CXXC5: variants seen among roughly 807,000 people sequenced by gnomAD.
The protein encoded by CXXC5 is CXXC finger protein 5.
CXXC5 carries 2 observed loss-of-function variants against 17.6 expected under a neutral mutation model. That is an observed-to-expected ratio of 0.11 (90% CI 0.05 to 0.36). The LOEUF is 0.36. Among genes scored for constraint, CXXC5 ranks in the 10% least tolerant of loss-of-function variants. The probability of loss-of-function intolerance (pLI) is 1.00; values close to 1 mark genes in which losing one functional copy is unlikely to be tolerated. For synonymous variants in CXXC5, 171 were observed against 193.0 expected, an observed-to-expected ratio of 0.89 and a Z score of 0.94; for missense variants, 343 against 458.3, an observed-to-expected ratio of 0.75 and a Z score of 2.30.
intron 1 of CXXC5, chr5:139,649,070 G>T (rs968005825): frequency 1.0e-3 from 155 of 152,498 alleles, no homozygotes; most frequent in Admixed American, 2.2e-3. Flanking sequence ...GGGGGCGCCC[G>T]CACCGTAAGC....
intron 1 of CXXC5, among the ~76,000 whole-genome samples, chr5:139,673,796 C>T (rs529181138): frequency 2.0e-5 from 3 of 148,300 alleles, no homozygotes; most frequent in Non-Finnish European, 3.0e-5. Context: ...GAGCTGAGAT[C>T]GGGCCACGCA....
chr5:139,681,384 C>T lies in CXXC5; in HGVS notation c.861C>T (p.Gly287=), dbSNP rs1181286106. 1 of 1,591,186 alleles carries T rather than the reference C, an allele frequency of 6.3e-7. No homozygotes were observed. Among genetic ancestry groups the T allele is most frequent in the African/African-American group, 1.3e-5 (1 of 74,146 alleles). Residue 287 remains glycine (G), a synonymous_variant, in exon 2 of 3, where the codon GGC becomes GGT. Coordinates refer to ENST00000302517, the MANE Select transcript of CXXC5 (RefSeq NM_016463.9). ...GCAGTTGTAGGAATCGAAAGACTGG[C>T]CATCAGATTTGCAAATTCAGAAAAT... The part of the protein sequence containing the change: ...QCSSCRNRKT[G]HQICKFRKCE...
chr5:139,647,916 T>A (rs1481155883), upstream of CXXC5: 1 of 151,798 alleles, frequency 6.6e-6, no homozygotes, highest in Non-Finnish European at 1.5e-5. Context: ...GCACCTGAGC[T>A]GGGGGGCGCG....
intron 2 of CXXC5, among the ~76,000 whole-genome samples, 199 bp from the exon 3 acceptor site, chr5:139,682,664 C>T (rs1050900929): frequency 6.6e-5 from 10 of 152,318 alleles, no homozygotes; most frequent in African/African-American, 2.4e-4. Context: ...GCCTCAGAGT[C>T]CTCGGGGCCT....
intron 1 of CXXC5, among the ~76,000 whole-genome samples, chr5:139,675,272 T>C (rs901984449): frequency 6.6e-6 from 1 of 152,228 alleles, no homozygotes; most frequent in African/African-American, 2.4e-5. Flanking sequence ...GATGGCACTA[T>C]GTCATCCCAG....
At chr5:139,659,532 G>T (rs1375167155) in intron 1 of CXXC5, 1 of 152,698 alleles carries the variant, frequency 6.5e-6, no homozygotes, top group African/African-American at 2.4e-5. Flanking sequence ...TGCCAAGAGG[G>T]GCTGGGCCCT....
At chr5:139,665,623 A>C (rs1308147986) in intron 1 of CXXC5, 1 of 152,280 alleles carries the variant, frequency 6.6e-6, no homozygotes, top group Non-Finnish European at 1.5e-5. Context: ...GACAGATGTA[A>C]TTATGGAATT....
At chr5:139,666,971 C>G (rs968314043) in intron 1 of CXXC5, among the ~76,000 whole-genome samples, 1 of 152,112 alleles carries the variant, frequency 6.6e-6, no homozygotes, top group Non-Finnish European at 1.5e-5. Flanking sequence ...CAGCATTTAC[C>G]CTCTGACTTG....
In CXXC5 at chr5:139,658,889, C is replaced by T. The variant is rs370543701; in HGVS notation, c.-161+10044C>T. On this transcript the variant is annotated intron_variant, in intron 1 of 2. Transcript: ENST00000302517. The surrounding 1 kb of genome is among the most constrained non-coding windows in gnomAD (Gnocchi z 4.1). ...GAGTTAGGAGTGTCATCTAGAGCAG[C>T]CTAGCTGGGCGTTTGAACCCAGAAC... Among the ~76,000 whole-genome samples the T allele has an allele frequency of 1.3e-5, 2 of 152,216 alleles. No homozygotes were observed. Among genetic ancestry groups the T allele is most frequent in the East Asian group, 3.9e-4 (2 of 5,190 alleles).
chr5:139,656,457 ATG>A (rs1033097849), intron 1 of CXXC5, among the ~76,000 whole-genome samples: 3 of 132,124 alleles, frequency 2.3e-5, no homozygotes, highest in African/African-American at 9.1e-5. Context: ...ATACACACAC[ATG>A]TGTGCAGAAA....
chr5:139,653,014 C>T (rs781732561), intron 1 of CXXC5, among the ~76,000 whole-genome samples: 9 of 152,122 alleles, frequency 5.9e-5, no homozygotes, highest in East Asian at 1.9e-4. Context: ...TCTGTATCTC[C>T]GTCTTACTGA....
rs1445085611 is a variant in CXXC5, at chr5:139,658,671, C to G, written c.-161+9826C>G. ...CGTGAGGAGGAAATGCAGGCTGTTG[C>G]TTCCAGCAACAGCCGGCAGGGCCGG... is the stretch of plus-strand genomic sequence containing the variant. On this transcript the variant is annotated intron_variant, in intron 1 of 2. Transcript: ENST00000302517. The surrounding 1 kb of genome is among the most constrained non-coding windows in gnomAD (Gnocchi z 4.1). Among the ~76,000 whole-genome samples, 1 of 152,222 alleles carries G rather than the reference C, an allele frequency of 6.6e-6. No homozygotes were observed.
intron 1 of CXXC5, among the ~76,000 whole-genome samples, chr5:139,656,812 C>T (rs1478124347): frequency 6.6e-6 from 1 of 152,188 alleles, no homozygotes; most frequent in African/African-American, 2.4e-5. Flanking sequence ...GCAACCCCCA[C>T]CTCCTGGGTT....
rs899589881 is a variant in CXXC5, at chr5:139,670,721, G to A, written c.-160-9643G>A. On this transcript the variant is annotated intron_variant, in intron 1 of 2. Transcript: ENST00000302517. The surrounding 1 kb of genome is among the most constrained non-coding windows in gnomAD (Gnocchi z 4.2). ...CCATGTACATTCACAGACTTGGGTC[G>A]CACACACATGCCTCCACTTTACCCT... 1.4e-4 allele frequency among the ~76,000 whole-genome samples: 21 copies of A among 152,146 alleles called. No individual in the cohort carries two copies. The highest frequency in any genetic ancestry group is 8.8e-5 in the Non-Finnish European group (6 of 68,036).
intron 1 of CXXC5, among the ~76,000 whole-genome samples, chr5:139,660,560 C>T (rs1036253655): frequency 6.6e-6 from 1 of 152,178 alleles, no homozygotes; most frequent in African/African-American, 2.4e-5. Flanking sequence ...ACTCCAAAAG[C>T]ACCCATTAGG....
rs529600645 is a variant in CXXC5 at position 139,681,324 on chromosome 5, G to A, written c.801G>A (p.Ala267=). The A allele has an allele frequency of 4.3e-5, 69 of 1,612,582 alleles. No homozygotes were observed. The Admixed American group carries it at 4.7e-4, about 11-fold the overall frequency. The change falls in exon 2 of 3, where the codon GCG becomes GCA. Residue 267 remains alanine (A), a synonymous_variant. Transcript: ENST00000302517. ...KKKRKRCGMC[A]PCRRRINCEQ... is the part of the protein sequence containing the mutation. ...AGCGGAAACGCTGCGGCATGTGCGC[G>A]CCCTGCCGGCGGCGCATCAACTGCG...
intron 1 of CXXC5, among the ~76,000 whole-genome samples, chr5:139,654,478 C>G (rs932210122): frequency 6.6e-6 from 1 of 152,190 alleles, no homozygotes; most frequent in African/African-American, 2.4e-5. Flanking sequence ...TTGCATAGTG[C>G]CTGGCAGGGA....
At position 139,683,226 on chromosome 5, in the gene CXXC5, T is replaced by C. The variant is rs969500076; in HGVS notation, c.*319T>C. 10 of 250,960 alleles carry C rather than the reference T, an allele frequency of 4.0e-5. No individual in the cohort carries two copies. The highest frequency in any genetic ancestry group is 6.7e-5 in the Non-Finnish European group (9 of 133,672). The allele number at this position is 250,960 out of a possible 1,614,324, so 15.5% of individuals were successfully genotyped here. On this transcript the variant is annotated 3_prime_UTR_variant, in exon 3 of 3. Coordinates refer to ENST00000302517, the MANE Select transcript of CXXC5 (RefSeq NM_016463.9). Reference sequence around the variant, plus strand: ...ACAATCAGTTTCCTTCCTGTGTCGATGTCGATGTTGTCTGTGCAGGAGATG... The same window carrying C: ...ACAATCAGTTTCCTTCCTGTGTCGACGTCGATGTTGTCTGTGCAGGAGATG...
At chr5:139,681,525 C>T in intron 2 of CXXC5, 78 bp downstream of exon 2, 1 of 1,488,704 alleles carries the variant, frequency 6.7e-7, no homozygotes, top group Non-Finnish European at 9.0e-7. Context: ...CCCCTGACCC[C>T]ACTTTTCCTA....
Sources: gnomAD v4.1 joint callset for allele counts (sites outside exome capture counted in the v4.1 genomes callset) on GRCh38, gnomAD v4.1.1 for gene constraint, Gnocchi (gnomAD v3.1) non-coding constraint, MANE v1.5 for transcripts, NCBI Gene and HGNC (gene_info 2026-07-23, HGNC 2026-07-21) for gene names.